The following MDGA2 variants were observed in gnomAD, a reference collection of about 807,000 sequenced individuals.
MDGA2 encodes the protein MAM domain-containing glycosylphosphatidylinositol anchor protein 2.
A neutral mutation model predicts 117.8 loss-of-function variants in MDGA2; 40 were observed. The observed-to-expected ratio is 0.34, with a 90% confidence interval of 0.26 to 0.44. The LOEUF is 0.44. Ranked by LOEUF, MDGA2 falls within the 20% of genes least tolerant of loss-of-function variation. The pLI is 1.00. For synonymous variants in MDGA2, 452 were observed against 439.0 expected, an observed-to-expected ratio of 1.03 and a Z score of -0.37; for missense variants, 1,123 against 1,250.6, an observed-to-expected ratio of 0.90 and a Z score of 1.54.
In MDGA2 at chr14:47,516,595, A is replaced by T. The variant is rs183802782; in HGVS notation, c.280+157922T>A. 5.9e-5 allele frequency among the ~76,000 whole-genome samples: 9 copies of T among 152,302 alleles called. No homozygotes were observed. The East Asian group carries it at 1.7e-3, about 29-fold the overall frequency. On this transcript the variant is annotated intron_variant, in intron 1 of 16. Coordinates refer to ENST00000399232, the MANE Select transcript of MDGA2 (RefSeq NM_001113498.3). ...GGTTTTGCAGTAGAGTAATCTCACC[A>T]TCTTTTTAAGGGGAAGTACCAGAAG...
Position 47,561,175 on chromosome 14 carries a change from G to GTTTTTTTTTTTTTTTTTTTTTTTT in MDGA2, c.280+113341_280+113342insAAAAAAAAAAAAAAAAAAAAAAAA, listed in dbSNP as rs150826944. Among the ~76,000 whole-genome samples the GTTTTTTTTTTTTTTTTTTTTTTTT allele has an allele frequency of 8.7e-5, 6 of 69,360 alleles. 1 individual carries two copies. Among genetic ancestry groups the GTTTTTTTTTTTTTTTTTTTTTTTT allele is most frequent in the Admixed American group, 1.7e-4 (1 of 5,932 alleles). 45.5% of individuals were successfully genotyped at this position (69,360 alleles called of 152,430 possible). On this transcript the variant is annotated intron_variant, in intron 1 of 16. Coordinates refer to ENST00000399232, the MANE Select transcript of MDGA2 (RefSeq NM_001113498.3). ...TTTGTTTTGTTTTGTTTTTTTGTTT[G>GTTTTTTTTTTTTTTTTTTTTTTTT]TTTGTTTTTTTTTGCTTAGGATTGC... is the stretch of plus-strand genomic sequence containing the variant.
intron 1 of MDGA2, among the ~76,000 whole-genome samples, chr14:47,631,861 C>A: frequency 6.6e-6 from 1 of 151,972 alleles, no homozygotes. Context: ...GCACGTGGCC[C>A]AGGACAGCTT....
chr14:47,309,948 CA>C (rs1405381112), intron 1 of MDGA2, among the ~76,000 whole-genome samples: 1 of 151,862 alleles, frequency 6.6e-6, no homozygotes, highest in African/African-American at 2.4e-5. Flanking sequence ...TGATAAAAAG[CA>C]ATCATATTTT....
At chr14:46,971,809 C>T (rs1040325115) in intron 8 of MDGA2, among the ~76,000 whole-genome samples, 1 of 152,054 alleles carries the variant, frequency 6.6e-6, no homozygotes, top group African/African-American at 2.4e-5. Flanking sequence ...CCCAGATACC[C>T]TGACTTGATC....
At chr14:46,876,623 C>T (rs1358213440) in intron 12 of MDGA2, among the ~76,000 whole-genome samples, 1 of 151,320 alleles carries the variant, frequency 6.6e-6, no homozygotes, top group Non-Finnish European at 1.5e-5. Flanking sequence ...AAATATTCTC[C>T]ATTACGTGGT....
In MDGA2 at chr14:47,097,042, G is replaced by A. The variant is rs746110961; in HGVS notation, c.1007C>T (p.Thr336Ile). ...GEAITLVCVT[T>I]GGEPAPSLTW... Reference sequence around the variant, plus strand: ...GAGAGAAGGTGCAGGCTCTCCTCCTGTTGTAACACATACTAATGTTATGGC... The same window carrying A: ...GAGAGAAGGTGCAGGCTCTCCTCCTATTGTAACACATACTAATGTTATGGC... Residue 336 changes from threonine (T) to isoleucine (I), a missense_variant, in exon 6 of 17, where the codon ACA becomes ATA. Thr to Ile is a moderately conservative substitution (Grantham distance 89). This residue lies in a region of MDGA2 where 890 missense variants were observed against 1,050.3 expected (regional missense o/e 0.85). Transcript: ENST00000399232. 5 of 1,613,182 alleles carry A rather than the reference G, an allele frequency of 3.1e-6. No homozygotes were observed. In the Admixed American group the frequency reaches 6.7e-5, roughly 22 times the overall value.
intron 3 of MDGA2, among the ~76,000 whole-genome samples, chr14:47,190,149 G>A (rs1885056698): frequency 6.6e-6 from 1 of 152,158 alleles, no homozygotes; most frequent in African/African-American, 2.4e-5. Flanking sequence ...TGTGCAAATT[G>A]AAACATGCCA....
chr14:47,453,562 T>C (rs1483240537), intron 1 of MDGA2, among the ~76,000 whole-genome samples: 2 of 152,168 alleles, frequency 1.3e-5, no homozygotes. Flanking sequence ...TTTCTCACTC[T>C]TCTTGGTAAT....
chr14:47,139,824 A>G (rs966670206), intron 4 of MDGA2, among the ~76,000 whole-genome samples: 1 of 142,244 alleles, frequency 7.0e-6, no homozygotes, highest in Non-Finnish European at 1.5e-5. Flanking sequence ...ACACACATAT[A>G]TATACACATA....
chr14:47,639,851 T>G (rs2138243027), intron 1 of MDGA2, among the ~76,000 whole-genome samples: 1 of 152,266 alleles, frequency 6.6e-6, no homozygotes, highest in Admixed American at 6.5e-5. Context: ...CTCAAATATC[T>G]ATATAGCTTA....
At chr14:47,225,362 G>A (rs866784100) in intron 2 of MDGA2, among the ~76,000 whole-genome samples, 4,474 of 151,468 alleles carry the variant, frequency 0.03, 223 homozygotes, top group African/African-American at 0.1. Flanking sequence ...ACATGCACAC[G>A]TATGTTTATT....
At chr14:47,619,157 A>G (rs1328641845) in intron 1 of MDGA2, among the ~76,000 whole-genome samples, 1 of 141,898 alleles carries the variant, frequency 7.0e-6, no homozygotes, top group African/African-American at 2.9e-5. Flanking sequence ...ACACAGATAC[A>G]TTATCTACAA....
intron 1 of MDGA2, among the ~76,000 whole-genome samples, chr14:47,616,834 G>C (rs1896955299): frequency 6.6e-6 from 1 of 152,036 alleles, no homozygotes; most frequent in African/African-American, 2.4e-5. Flanking sequence ...TTAAAACTGA[G>C]CTATATACTA....
chr14:47,275,567 G>C (rs1158935737), intron 2 of MDGA2, among the ~76,000 whole-genome samples: 1 of 151,994 alleles, frequency 6.6e-6, no homozygotes, highest in African/African-American at 2.4e-5. Flanking sequence ...TACTATCCTA[G>C]ATTTAAACTA....
At chr14:46,844,699 A>T (rs1880753233) in intron 16 of MDGA2, among the ~76,000 whole-genome samples, 1 of 152,134 alleles carries the variant, frequency 6.6e-6, no homozygotes, top group Admixed American at 6.6e-5. Flanking sequence ...TCATCTTGAA[A>T]TATAATCTGC....
intron 6 of MDGA2, among the ~76,000 whole-genome samples, chr14:47,084,828 C>A (rs1890839717): frequency 6.6e-6 from 1 of 152,086 alleles, no homozygotes; most frequent in Non-Finnish European, 1.5e-5. Flanking sequence ...AGAATCCAAC[C>A]ATGCCAACAC....
At chr14:47,298,684 T>A (rs1889161388) in intron 2 of MDGA2, among the ~76,000 whole-genome samples, 1 of 20,900 alleles carries the variant, frequency 4.8e-5, no homozygotes, top group South Asian at 3.4e-3. Context: ...TTAATTTTTC[T>A]TTTTTTTTTT....
chr14:47,113,807 A>G (rs768728170), intron 5 of MDGA2, among the ~76,000 whole-genome samples: 4 of 152,202 alleles, frequency 2.6e-5, no homozygotes, highest in Admixed American at 1.3e-4. Flanking sequence ...ATCATACTGA[A>G]TGGGCAAAAG....
At chr14:47,489,812 T>C (rs756502321) in intron 1 of MDGA2, among the ~76,000 whole-genome samples, 2 of 151,990 alleles carry the variant, frequency 1.3e-5, no homozygotes, top group Non-Finnish European at 2.9e-5. Context: ...TTTCAATATA[T>C]CTTCAGTTCA....
Sources: gnomAD v4.1 joint callset for allele counts (sites outside exome capture counted in the v4.1 genomes callset) on GRCh38, gnomAD v4.1.1 for gene constraint, gnomAD v4.1.1 regional missense constraint, MANE v1.5 for transcripts, NCBI Gene and HGNC (gene_info 2026-07-23, HGNC 2026-07-21) for gene names.